Variants in GFOD1 observed in about 807,000 individuals in gnomAD.
GFOD1 encodes the protein Gfo/Idh/MocA-like oxidoreductase domain containing 1.
In GFOD1, 9 loss-of-function variants were observed where a neutral mutation model predicts 25.4. The ratio of observed to expected loss-of-function variants is 0.35; its 90% CI spans 0.21 to 0.62. The LOEUF (loss-of-function observed/expected upper bound fraction) is 0.62. Ranked by LOEUF, GFOD1 falls within the 20% of genes least tolerant of loss-of-function variation. The pLI is 0.72. For synonymous variants in GFOD1, 253 were observed against 245.6 expected (o/e 1.03, Z -0.28); for missense variants, 403 against 556.9 (o/e 0.72, Z 2.78).
chr6:13,385,649 A>G (rs765330445), intron 1 of GFOD1, among the ~76,000 whole-genome samples: 4 of 152,248 alleles, frequency 2.6e-5, no homozygotes, highest in African/African-American at 4.8e-5. Flanking sequence ...TAGCTCATTG[A>G]GCAACTTTTG....
At chr6:13,433,835 T>C (rs1357973517) in intron 1 of GFOD1, among the ~76,000 whole-genome samples, 3 of 151,702 alleles carry the variant, frequency 2.0e-5, no homozygotes, top group Non-Finnish European at 2.9e-5. Flanking sequence ...ACCATGAGAG[T>C]CAGTCAGAGA....
chr6:13,422,756 C>A (rs1786282499), intron 1 of GFOD1, among the ~76,000 whole-genome samples: 1 of 152,172 alleles, frequency 6.6e-6, no homozygotes, highest in South Asian at 2.1e-4. Context: ...TAAACAAAAG[C>A]TTTCCTGAAA....
intron 1 of GFOD1, among the ~76,000 whole-genome samples, chr6:13,425,120 G>A (rs997507509): frequency 2.2e-4 from 33 of 151,664 alleles, no homozygotes; most frequent in Admixed American, 3.3e-4. Context: ...CACAATACTG[G>A]GCTAATTTTT....
rs1784932445 is a variant in GFOD1 at position 13,360,639 on chromosome 6, A to G, written c.*4104T>C. 3 of 445,364 alleles carry G rather than the reference A, an allele frequency of 6.7e-6. No homozygotes were observed. The highest frequency in any genetic ancestry group is 1.4e-5 in the Non-Finnish European group (3 of 217,606). The allele number at this position is 445,364 out of a possible 1,614,324, so 27.6% of individuals were successfully genotyped here. On this transcript the variant is annotated 3_prime_UTR_variant, in exon 2 of 2. Coordinates refer to ENST00000379287, the MANE Select transcript of GFOD1 (RefSeq NM_018988.4). ...AGTCAATTTTAAAAAAGGCTGAGTG[A>G]TATTTCCATTTTGGAATGGGAAGAA...
At chr6:13,397,752 AAC>A in intron 1 of GFOD1, among the ~76,000 whole-genome samples, 1 of 152,242 alleles carries the variant, frequency 6.6e-6, no homozygotes, top group African/African-American at 2.4e-5. Context: ...TACCCGGAAT[AAC>A]ACACAGCCCA....
intron 1 of GFOD1, among the ~76,000 whole-genome samples, chr6:13,388,030 A>C (rs969098883): frequency 7.9e-5 from 12 of 152,248 alleles, no homozygotes; most frequent in Non-Finnish European, 1.5e-5. Context: ...TGAAGAGAAT[A>C]AAATACCTAG....
intron 1 of GFOD1, among the ~76,000 whole-genome samples, chr6:13,374,833 C>A (rs947731723): frequency 2.7e-5 from 4 of 147,808 alleles, no homozygotes; most frequent in Non-Finnish European, 5.9e-5. Context: ...ACCTCTGCCT[C>A]CCGGGCTCAA....
chr6:13,399,176 G>T (rs192426759), intron 1 of GFOD1, among the ~76,000 whole-genome samples: 1 of 152,008 alleles, frequency 6.6e-6, no homozygotes, highest in Non-Finnish European at 1.5e-5. Flanking sequence ...TTTTGGTGGT[G>T]GGGGAGGGAG....
At chr6:13,408,716 T>A (rs1174925473) in intron 1 of GFOD1, among the ~76,000 whole-genome samples, 1 of 152,190 alleles carries the variant, frequency 6.6e-6, no homozygotes, top group East Asian at 1.9e-4. Context: ...GTCAGGCTGA[T>A]AGATTTGTTC....
At chr6:13,380,166 G>T (rs1350487647) in intron 1 of GFOD1, among the ~76,000 whole-genome samples, 2 of 152,338 alleles carry the variant, frequency 1.3e-5, no homozygotes, top group Admixed American at 1.3e-4. Context: ...CAGCACAGGG[G>T]ATGGGAAAGA....
At position 13,364,545 on chromosome 6, in the gene GFOD1, A is replaced by G. The variant is rs1209886547; in HGVS notation, c.*198T>C. Reference sequence around the variant, plus strand: ...AGGCTCTCCTGAATGCTTCCAGGCTAGGAGCTCAGCCCACCAACAGTCTGG... The same window carrying G: ...AGGCTCTCCTGAATGCTTCCAGGCTGGGAGCTCAGCCCACCAACAGTCTGG... On this transcript the variant is annotated 3_prime_UTR_variant, in exon 2 of 2. Transcript: ENST00000379287. This position sits in a 1 kb window ranked among gnomAD's most constrained non-coding sequence, Gnocchi z 4.1. 4 of 586,630 alleles carry G rather than the reference A, an allele frequency of 6.8e-6. No homozygotes were observed. Among genetic ancestry groups the G allele is most frequent in the Middle Eastern group, 4.5e-4 (1 of 2,246 alleles). The allele number at this position is 586,630 out of a possible 1,614,324, so 36.3% of individuals were successfully genotyped here.
In GFOD1 at chr6:13,364,153, G is replaced by A. The variant is rs1468910968; in HGVS notation, c.*590C>T. 2 of 152,830 alleles carry A rather than the reference G, an allele frequency of 1.3e-5. No individual in the cohort carries two copies. Among genetic ancestry groups the A allele is most frequent in the Non-Finnish European group, 2.9e-5 (2 of 68,586 alleles). 9.5% of individuals were successfully genotyped at this position (152,830 alleles called of 1,614,324 possible). A position where few individuals can be genotyped will look rare whatever the true frequency, so the allele number is the denominator to read the frequency against. ...TATGAGGAAGCCCAATCAATCAAAA[G>A]GTGGCCACTTTGCTACTAAGTACTT... On this transcript the variant is annotated 3_prime_UTR_variant, in exon 2 of 2. Transcript: ENST00000379287. This position sits in a 1 kb window ranked among gnomAD's most constrained non-coding sequence, Gnocchi z 4.1.
rs142356137 is a variant in GFOD1, at chr6:13,486,811, G to T, written c.80C>A (p.Ala27Glu). 9.9e-5 allele frequency: 160 copies of T among 1,613,778 alleles called. No individual in the cohort carries two copies. The highest frequency in any genetic ancestry group is 1.2e-4 in the Non-Finnish European group (143 of 1,179,986). ...IIPLLKDEGFAVKALWGRTQE... is the reference protein window; with the variant it reads ...IIPLLKDEGFEVKALWGRTQE... Reference sequence around the variant, plus strand: ...CGTGCGGCCCCACAGCGCCTTCACCGCGAAGCCCTCGTCTTTCAGCAGCGG... The same window carrying T: ...CGTGCGGCCCCACAGCGCCTTCACCTCGAAGCCCTCGTCTTTCAGCAGCGG... The change falls in exon 1 of 2, where the codon GCG (alanine) becomes GAG (glutamate). Residue 27 changes from alanine to glutamate, a missense_variant. Coordinates refer to ENST00000379287, the MANE Select transcript of GFOD1 (RefSeq NM_018988.4).
chr6:13,400,941 G>C (rs1402590161), intron 1 of GFOD1, among the ~76,000 whole-genome samples: 1 of 152,102 alleles, frequency 6.6e-6, no homozygotes, highest in Non-Finnish European at 1.5e-5. Flanking sequence ...ACAGGGGGTG[G>C]GGACAGGAAA....
chr6:13,406,251 G>A (rs1785944461), intron 1 of GFOD1, among the ~76,000 whole-genome samples: 2 of 152,108 alleles, frequency 1.3e-5, no homozygotes, highest in South Asian at 2.1e-4. Context: ...TTGCTTTCAC[G>A]TCTGCTCCCA....
chr6:13,368,855 T>C (rs1180090656), intron 1 of GFOD1, among the ~76,000 whole-genome samples: 1 of 152,176 alleles, frequency 6.6e-6, no homozygotes, highest in Admixed American at 6.5e-5. Context: ...CTCCAGAAGA[T>C]GTAAAATGAA....
intron 1 of GFOD1, among the ~76,000 whole-genome samples, chr6:13,433,658 G>C (rs1045392851): frequency 6.6e-6 from 1 of 152,152 alleles, no homozygotes; most frequent in African/African-American, 2.4e-5. Context: ...ATGTGGGGTT[G>C]GGGTGGGGGA....
chr6:13,478,225 C>T (rs1237350110), intron 1 of GFOD1, among the ~76,000 whole-genome samples: 1 of 152,086 alleles, frequency 6.6e-6, no homozygotes, highest in East Asian at 1.9e-4. Context: ...CTGCAACCTC[C>T]ACCTCCTGGG....
intron 1 of GFOD1, among the ~76,000 whole-genome samples, chr6:13,403,690 A>C (rs1308229374): frequency 6.6e-6 from 1 of 152,260 alleles, no homozygotes; most frequent in Non-Finnish European, 1.5e-5. Context: ...ATATTCAGCC[A>C]TAAAAGGAAT....
Sources: allele counts gnomAD v4.1 joint callset (sites outside exome capture counted in the v4.1 genomes callset), GRCh38; gene constraint gnomAD v4.1.1; non-coding constraint Gnocchi (gnomAD v3.1); transcripts MANE v1.5; gene names NCBI Gene and HGNC (gene_info 2026-07-23, HGNC 2026-07-21).